Variants in CRISP1 observed in about 807,000 individuals in gnomAD.
CRISP1 encodes cysteine rich secretory protein 1.
In CRISP1, 44 loss-of-function variants were observed where a neutral mutation model predicts 33.1. The observed-to-expected ratio is 1.33, with a 90% CI of 1.05 to 1.71. CRISP1 has a LOEUF of 1.71. Among genes scored for constraint, CRISP1 ranks in the 40% most tolerant of loss-of-function variants. The probability of loss-of-function intolerance (pLI) is 0.00; values close to 1 mark genes in which losing one functional copy is unlikely to be tolerated. For missense variants in CRISP1, 390 were observed against 301.2 expected (o/e 1.29, Z -2.18); for synonymous variants, 103 against 98.7 (o/e 1.04, Z -0.26).
intron 1 of CRISP1, among the ~76,000 whole-genome samples, chr6:49,858,172 A>G (rs1771545496): frequency 6.6e-6 from 1 of 152,186 alleles, no homozygotes; most frequent in South Asian, 2.1e-4. Flanking sequence ...ATATTCCATA[A>G]TATCTGATCA....
intron 1 of CRISP1, among the ~76,000 whole-genome samples, chr6:49,865,648 AG>A (rs1378882334): frequency 6.6e-6 from 1 of 152,176 alleles, no homozygotes. Flanking sequence ...AGAATAATTC[AG>A]AGAGTACAAA....
At chr6:49,835,940 A>G (rs1770775611) in intron 7 of CRISP1, among the ~76,000 whole-genome samples, 1 of 152,160 alleles carries the variant, frequency 6.6e-6, no homozygotes, top group South Asian at 2.1e-4. Context: ...CATTCTAGTG[A>G]TTTTTCTCAC....
intron 1 of CRISP1, among the ~76,000 whole-genome samples, chr6:49,872,294 A>T (rs900901159): frequency 1.3e-4 from 19 of 151,624 alleles, no homozygotes; most frequent in African/African-American, 4.6e-4. Flanking sequence ...TAGATTCTGG[A>T]TATTAGCCCT....
rs775294325 is a variant in CRISP1, at chr6:49,857,386, G to T, written c.15C>A (p.His5Gln). 1.2e-6 allele frequency: 2 copies of T among 1,612,696 alleles called. No homozygotes were observed. Among genetic ancestry groups the T allele is most frequent in the African/African-American group, 1.3e-5 (1 of 74,980 alleles). MEIK[H>Q]LLFLVAAACL... The stretch of plus-strand genomic sequence containing the variant: ...AAGCAGCAGCAACCAAAAACAAGAG[G>T]TGTTTAATTTCCATCCCTGAAAGAA... Residue 5 changes from histidine to glutamine, a missense_variant, in exon 2 of 8, where the codon CAC becomes CAA. His to Gln is a conservative substitution (Grantham distance 24, BLOSUM62 0). Coordinates refer to ENST00000335847, the MANE Select transcript of CRISP1 (RefSeq NM_001131.3).
In CRISP1 at chr6:49,838,509, T is replaced by C; in HGVS notation, c.550A>G (p.Thr184Ala). 6.2e-7 allele frequency: 1 copy of C among 1,612,666 alleles called. No individual in the cohort carries two copies. Among genetic ancestry groups the C allele is most frequent in the Non-Finnish European group, 8.5e-7 (1 of 1,179,404 alleles). The change falls in exon 7 of 8, where the codon ACA (threonine) becomes GCA (alanine). Residue 184 changes from threonine to alanine, a missense_variant. By Grantham distance (58) the Thr-to-Ala change is moderately conservative. Transcript: ENST00000335847. The stretch of plus-strand genomic sequence containing the variant: ...CCTGTCTTATAAGGTTCATTCTTTG[T>C]TTCAGGATCATTTCCCCTTGAATAA... ...HYCHEGNDPE[T>A]KNEPYKTGVP...
intron 2 of CRISP1, among the ~76,000 whole-genome samples, chr6:49,857,039 G>T (rs1771515187): frequency 6.6e-6 from 1 of 152,060 alleles, no homozygotes; most frequent in African/African-American, 2.4e-5. Context: ...TATTCAGAGA[G>T]GCCACAATGA....
Position 49,840,942 on chromosome 6 carries a change from T to C in CRISP1, c.489A>G (p.Gln163=), listed in dbSNP as rs970715533. 5 of 1,613,884 alleles carry C rather than the reference T, an allele frequency of 3.1e-6. No individual in the cohort carries two copies. Among genetic ancestry groups the C allele is most frequent in the East Asian group, 2.2e-5 (1 of 44,888 alleles). The change falls in exon 6 of 8, where the codon CAA becomes CAG. Residue 163 remains glutamine (Q), a synonymous_variant. Coordinates refer to ENST00000335847, the MANE Select transcript of CRISP1 (RefSeq NM_001131.3). ...LIGCAIASCR[Q]QGSPRYLYVC... ...CGTAGAGATATCGAGGTGATCCTTG[T>C]TGGCGGCAAGATGCAATGGCACAGC...
At chr6:49,852,875 T>TGTGTGC (rs1201158956) in intron 2 of CRISP1, among the ~76,000 whole-genome samples, 1 of 151,092 alleles carries the variant, frequency 6.6e-6, no homozygotes, top group African/African-American at 2.4e-5. Context: ...TGTGTGTGTG[T>TGTGTGC]GTGTGTGTGT....
intron 1 of CRISP1, among the ~76,000 whole-genome samples, chr6:49,864,834 C>T (rs1054209390): frequency 2.6e-5 from 4 of 151,998 alleles, no homozygotes; most frequent in Non-Finnish European, 4.4e-5. Flanking sequence ...GAATACCTTC[C>T]CTTAGTCTGT....
intron 1 of CRISP1, among the ~76,000 whole-genome samples, chr6:49,861,160 T>A (rs1319285256): frequency 6.6e-6 from 1 of 152,110 alleles, no homozygotes; most frequent in Admixed American, 6.6e-5. Context: ...TTCTACCGAA[T>A]CTTCAAAGAT....
intron 6 of CRISP1, among the ~76,000 whole-genome samples, chr6:49,838,748 A>G (rs1770887335): frequency 6.6e-6 from 1 of 152,212 alleles, no homozygotes; most frequent in African/African-American, 2.4e-5. Flanking sequence ...TTTTCAGTCA[A>G]TGTGCACATC....
rs768249944 is a variant in CRISP1 at position 49,846,687 on chromosome 6, C to A, written c.287-19G>T. On this transcript the variant is annotated intron_variant, in intron 4 of 7. Transcript: ENST00000335847. ...AAGGTATCTGAAATGAGAAAACGGG[C>A]TGGGTCATACTCTGAACAAATGGGA... The A allele has an allele frequency of 1.2e-6, 2 of 1,610,898 alleles. No homozygotes were observed. Among genetic ancestry groups the A allele is most frequent in the African/African-American group, 2.7e-5 (2 of 74,786 alleles).
At chr6:49,868,397 T>A (rs1368379589), upstream of CRISP1, among the ~76,000 whole-genome samples, 1 of 152,202 alleles carries the variant, frequency 6.6e-6, no homozygotes, top group Non-Finnish European at 1.5e-5. Flanking sequence ...AGAATATTTC[T>A]AACTGGATTA....
chr6:49,847,462 A>ACT (rs1226759329), intron 4 of CRISP1, among the ~76,000 whole-genome samples: 1 of 151,118 alleles, frequency 6.6e-6, no homozygotes, highest in Non-Finnish European at 1.5e-5. Flanking sequence ...GCACCCCCCA[A>ACT]CTCTCTCTCT....
At chr6:49,852,594 G>A (rs191937370) in intron 2 of CRISP1, among the ~76,000 whole-genome samples, 5 of 152,204 alleles carry the variant, frequency 3.3e-5, no homozygotes, top group African/African-American at 4.8e-5. Flanking sequence ...CAAACTAAGA[G>A]ATTCATTATT....
At chr6:49,836,329 A>G (rs1259943004) in intron 7 of CRISP1, among the ~76,000 whole-genome samples, 1 of 149,210 alleles carries the variant, frequency 6.7e-6, no homozygotes, top group Non-Finnish European at 1.5e-5. Context: ...TTTTATTTTT[A>G]TTTTTATTTT....
intron 2 of CRISP1, among the ~76,000 whole-genome samples, chr6:49,853,443 C>T (rs1027665303): frequency 2.0e-4 from 31 of 152,208 alleles, no homozygotes; most frequent in Non-Finnish European, 3.7e-4. Context: ...TCAACATCCA[C>T]ATGGATGAAT....
In CRISP1 at chr6:49,846,687, C is replaced by T. The variant is rs768249944; in HGVS notation, c.287-19G>A. Reference sequence around the variant, plus strand: ...AAGGTATCTGAAATGAGAAAACGGGCTGGGTCATACTCTGAACAAATGGGA... The same window carrying T: ...AAGGTATCTGAAATGAGAAAACGGGTTGGGTCATACTCTGAACAAATGGGA... On this transcript the variant is annotated intron_variant, in intron 4 of 7. Coordinates refer to ENST00000335847, the MANE Select transcript of CRISP1 (RefSeq NM_001131.3). The T allele has an allele frequency of 1.2e-6, 2 of 1,611,016 alleles. No homozygotes were observed. Among genetic ancestry groups the T allele is most frequent in the African/African-American group, 2.7e-5 (2 of 74,908 alleles).
intron 3 of CRISP1, among the ~76,000 whole-genome samples, chr6:49,851,137 T>C (rs1771333962): frequency 6.6e-6 from 1 of 152,292 alleles, no homozygotes; most frequent in African/African-American, 2.4e-5. Flanking sequence ...CAAATACCCC[T>C]TTGGATTTTA....
Sources: allele counts gnomAD v4.1 joint callset (sites outside exome capture counted in the v4.1 genomes callset), GRCh38; gene constraint gnomAD v4.1.1; transcripts MANE v1.5; gene names NCBI Gene and HGNC (gene_info 2026-07-23, HGNC 2026-07-21).